Variants in SOX5 observed in about 807,000 individuals in gnomAD.
SOX5 encodes transcription factor SOX-5.
Under a neutral mutation model 92.0 loss-of-function variants are expected in SOX5, and 9 were observed. The ratio of observed to expected loss-of-function variants is 0.10; its 90% CI spans 0.06 to 0.17. The LOEUF is 0.17. SOX5 is among the 10% of genes least tolerant of loss of function. SOX5 has a pLI of 1.00. For missense variants in SOX5, 642 were observed against 944.5 expected (o/e 0.68, Z 4.20); for synonymous variants, 344 against 336.3 (o/e 1.02, Z -0.25).
chr12:23,998,803 CAAAAAAAAAAA>C (rs34135570), intron 4 of SOX5, among the ~76,000 whole-genome samples: 1 of 68,090 alleles, frequency 1.5e-5, no homozygotes, highest in African/African-American at 6.9e-5. Flanking sequence ...GACTCAGTCT[CAAAAAAAAAAA>C]AAAAAAAAAA....
In SOX5 at chr12:23,969,356, G is replaced by A. The variant is rs555995470; in HGVS notation, c.-1-73332C>T. Among the ~76,000 whole-genome samples, 281 of 151,734 alleles carry A rather than the reference G, an allele frequency of 1.9e-3. 2 individuals are homozygous for A. The highest frequency in any genetic ancestry group is 6.4e-3 in the African/African-American group (266 of 41,334). ...TTTCCCACACTGTACCGAGACCAATGTTCGTCAGACAAAAATCTGATCACG... is the reference window on the plus strand; with the variant it reads ...TTTCCCACACTGTACCGAGACCAATATTCGTCAGACAAAAATCTGATCACG... On this transcript the variant is annotated intron_variant, in intron 4 of 4. Transcript: ENST00000446891.
intron 3 of SOX5, among the ~76,000 whole-genome samples, chr12:23,786,618 A>G (rs2095384509): frequency 1.8e-5 from 2 of 110,262 alleles, no homozygotes; most frequent in Admixed American, 1.6e-4. Context: ...TACTGTATCA[A>G]TCACGTATTA....
chr12:24,129,228 C>A (rs1949408941), intron 4 of SOX5, among the ~76,000 whole-genome samples: 1 of 152,136 alleles, frequency 6.6e-6, no homozygotes, highest in Non-Finnish European at 1.5e-5. Context: ...TTTGAATAAA[C>A]CCCTTATTGT....
chr12:23,839,414 T>C (rs947065831), intron 3 of SOX5, among the ~76,000 whole-genome samples: 2 of 152,148 alleles, frequency 1.3e-5, no homozygotes, highest in African/African-American at 2.4e-5. Flanking sequence ...AGCTGGTTCT[T>C]GGTAGACCTT....
At chr12:24,183,003 C>G (rs374270632) in intron 4 of SOX5, among the ~76,000 whole-genome samples, 1 of 152,230 alleles carries the variant, frequency 6.6e-6, no homozygotes, top group East Asian at 1.9e-4. Context: ...CATGAGCCAC[C>G]ACGGCTGGCC....
intron 6 of SOX5, among the ~76,000 whole-genome samples, chr12:23,675,234 C>A (rs2085473923): frequency 6.6e-6 from 1 of 152,136 alleles, no homozygotes; most frequent in Admixed American, 6.6e-5. Flanking sequence ...ATTATTATAT[C>A]TTTAACATTT....
At chr12:24,340,354 A>G (rs867186396) in intron 2 of SOX5, among the ~76,000 whole-genome samples, 7 of 152,258 alleles carry the variant, frequency 4.6e-5, no homozygotes, top group African/African-American at 1.7e-4. Context: ...ACTCAACATG[A>G]CAATAGTATG....
At chr12:23,902,850 C>A (rs1056702685) in intron 1 of SOX5, among the ~76,000 whole-genome samples, 1 of 152,104 alleles carries the variant, frequency 6.6e-6, no homozygotes, top group South Asian at 2.1e-4. Flanking sequence ...CCAAATGAGA[C>A]ACAATTAATA....
chr12:24,059,998 G>A (rs1939356823), intron 4 of SOX5, among the ~76,000 whole-genome samples: 2 of 152,308 alleles, frequency 1.3e-5, no homozygotes, highest in South Asian at 4.1e-4. Flanking sequence ...GCTGAGCAGT[G>A]AAAGACATTA....
At chr12:24,117,693 T>G (rs192762956) in intron 4 of SOX5, among the ~76,000 whole-genome samples, 2 of 152,186 alleles carry the variant, frequency 1.3e-5, no homozygotes, top group East Asian at 3.8e-4. Context: ...GAGGATATTA[T>G]GCTAAGTGAA....
At chr12:24,016,934 G>A (rs1041404955) in intron 4 of SOX5, among the ~76,000 whole-genome samples, 1 of 152,108 alleles carries the variant, frequency 6.6e-6, no homozygotes, top group Non-Finnish European at 1.5e-5. Context: ...TTACTTTTCA[G>A]TTTTATGTAA....
At position 23,530,823 on chromosome 12, in the gene SOX5, G is replaced by A. The variant is rs975316150; in HGVS notation, c.*3396C>T. 4 of 139,254 alleles carry A rather than the reference G, an allele frequency of 2.9e-5. No homozygotes were observed. The highest frequency in any genetic ancestry group is 8.0e-5 in the African/African-American group (3 of 37,338). The allele number at this position is 139,254 out of a possible 1,614,324, so 8.6% of individuals were successfully genotyped here. A position where few individuals can be genotyped will look rare whatever the true frequency, so the allele number is the denominator to read the frequency against. ...AGTGTGTGTGTGTGTGTGTGTGCGC[G>A]CGCGCGCGCGCGCATGTGAGAGAGA... On this transcript the variant is annotated 3_prime_UTR_variant, in exon 15 of 15. Transcript: ENST00000451604.
intron 1 of SOX5, among the ~76,000 whole-genome samples, chr12:24,448,832 A>G (rs1941866190): frequency 6.6e-6 from 1 of 152,064 alleles, no homozygotes; most frequent in African/African-American, 2.4e-5. Flanking sequence ...CACCAATCCA[A>G]TTGCTGCTTT....
upstream of SOX5, chr12:23,950,972 C>T (rs1048090116): frequency 2.9e-5 from 26 of 889,054 alleles, no homozygotes; most frequent in South Asian, 3.0e-4. Context: ...TCTTCACACA[C>T]GCATGCACAC....
At chr12:24,108,965 A>G (rs543906784) in intron 4 of SOX5, among the ~76,000 whole-genome samples, 5 of 152,240 alleles carry the variant, frequency 3.3e-5, no homozygotes, top group Admixed American at 1.3e-4. Context: ...AGCTCTTTGT[A>G]GCTAGCAATA....
Position 24,072,943 on chromosome 12 carries a change from T to C in SOX5, c.-2+140400A>G, listed in dbSNP as rs560751898. On this transcript the variant is annotated intron_variant, in intron 4 of 4. Transcript: ENST00000446891. ...GATAAGTCACAGAGAATGCTGAATG[T>C]ATCTACATTGGAGTTTTGGACACAT... is the stretch of plus-strand genomic sequence containing the variant. Among the ~76,000 whole-genome samples the C allele has an allele frequency of 7.2e-5, 11 of 152,348 alleles. No homozygotes were observed. In the South Asian group the frequency reaches 2.3e-3, roughly 32 times the overall value.
intron 4 of SOX5, among the ~76,000 whole-genome samples, chr12:24,024,309 T>C (rs1296220577): frequency 6.6e-6 from 1 of 152,026 alleles, no homozygotes; most frequent in Non-Finnish European, 1.5e-5. Flanking sequence ...TTTTGATTTC[T>C]TGTAAAGTGT....
At chr12:24,387,699 T>C (rs1278276455) in intron 1 of SOX5, among the ~76,000 whole-genome samples, 1 of 152,212 alleles carries the variant, frequency 6.6e-6, no homozygotes, top group East Asian at 1.9e-4. Context: ...CATTTTAAAC[T>C]AAAAAGGAAA....
chr12:24,096,809 T>C (rs1208100580), intron 4 of SOX5, among the ~76,000 whole-genome samples: 16 of 152,198 alleles, frequency 1.1e-4, no homozygotes, highest in African/African-American at 1.7e-4. Flanking sequence ...TAATAACTTT[T>C]TGGTTATGAT....
Sources: gnomAD v4.1 joint callset for allele counts (sites outside exome capture counted in the v4.1 genomes callset) on GRCh38, gnomAD v4.1.1 for gene constraint, MANE v1.5 for transcripts, NCBI Gene and HGNC (gene_info 2026-07-23, HGNC 2026-07-21) for gene names.